Variants in HCN1 observed in about 807,000 individuals in gnomAD.
The protein encoded by HCN1 is hyperpolarization activated cyclic nucleotide gated potassium channel 1.
In HCN1, 13 loss-of-function variants were observed where a neutral mutation model predicts 78.9. The observed-to-expected ratio is 0.16, with a 90% CI of 0.11 to 0.26. HCN1 has a LOEUF of 0.26. HCN1 is among the 10% of genes least tolerant of loss of function. The pLI, the probability that HCN1 is intolerant of heterozygous loss-of-function variation, is 1.00. For missense variants in HCN1, 810 were observed against 1,154.3 expected (o/e 0.70, Z 4.32); for synonymous variants, 552 against 455.5 (o/e 1.21, Z -2.70).
chr5:45,264,935 A>C (rs1215371002), intron 7 of HCN1, among the ~76,000 whole-genome samples: 2 of 152,202 alleles, frequency 1.3e-5, no homozygotes, highest in Non-Finnish European at 2.9e-5. Context: ...TCATGCCTGT[A>C]ATTCCAGCAC....
chr5:45,367,656 A>G (rs1747263239), intron 4 of HCN1, among the ~76,000 whole-genome samples: 1 of 151,946 alleles, frequency 6.6e-6, no homozygotes, highest in African/African-American at 2.4e-5. Flanking sequence ...CTAAAATTTG[A>G]CTGGCTTTTC....
intron 4 of HCN1, among the ~76,000 whole-genome samples, chr5:45,364,345 G>C (rs1747189664): frequency 1.3e-5 from 2 of 152,080 alleles, no homozygotes; most frequent in African/African-American, 4.8e-5. Flanking sequence ...TCGTAAGCCT[G>C]TTTTCCCTTT....
At chr5:45,539,401 G>T (rs376255580) in intron 2 of HCN1, among the ~76,000 whole-genome samples, 1 of 151,138 alleles carries the variant, frequency 6.6e-6, no homozygotes, top group Admixed American at 6.6e-5. Flanking sequence ...GGTGGCTCAC[G>T]CCTGTAATCC....
chr5:45,491,416 T>A (rs1561173769), intron 2 of HCN1, among the ~76,000 whole-genome samples: 1 of 151,760 alleles, frequency 6.6e-6, no homozygotes, highest in African/African-American at 2.4e-5. Context: ...GTTGAAACAT[T>A]AAAAAAAACA....
intron 2 of HCN1, among the ~76,000 whole-genome samples, chr5:45,562,751 C>T (rs2111884118): frequency 6.6e-6 from 1 of 152,210 alleles, no homozygotes; most frequent in East Asian, 1.9e-4. Flanking sequence ...TTCTACACGT[C>T]ACTCAGAAAA....
At chr5:45,531,075 C>A (rs1051270704) in intron 2 of HCN1, among the ~76,000 whole-genome samples, 3 of 151,992 alleles carry the variant, frequency 2.0e-5, no homozygotes, top group African/African-American at 7.3e-5. Context: ...CACACACACA[C>A]ACACACACAA....
chr5:45,398,652 T>A (rs776958680), intron 3 of HCN1, among the ~76,000 whole-genome samples: 1 of 152,174 alleles, frequency 6.6e-6, no homozygotes, highest in Non-Finnish European at 1.5e-5. Flanking sequence ...GTGCAAAAAA[T>A]TGAAAGTAGT....
intron 2 of HCN1, among the ~76,000 whole-genome samples, chr5:45,572,346 T>TCTTTATG (rs1365335442): frequency 2.0e-5 from 3 of 152,168 alleles, no homozygotes; most frequent in African/African-American, 7.2e-5. Flanking sequence ...TTATTTGGTA[T>TCTTTATG]CTTTATGCTT....
chr5:45,500,794 T>G (rs1742172258), intron 2 of HCN1, among the ~76,000 whole-genome samples: 1 of 152,160 alleles, frequency 6.6e-6, no homozygotes, highest in East Asian at 1.9e-4. Context: ...ATCATTTTAT[T>G]TGAGAAAAAA....
intron 2 of HCN1, among the ~76,000 whole-genome samples, chr5:45,470,157 T>C (rs2111648429): frequency 6.6e-6 from 1 of 152,142 alleles, no homozygotes; most frequent in African/African-American, 2.4e-5. Flanking sequence ...ATCTTGTTAT[T>C]CTGGCCAGGT....
In HCN1 at chr5:45,630,812, GT is replaced by G. The variant is rs557091744; in HGVS notation, c.849+14372del. Among the ~76,000 whole-genome samples, 7 of 151,530 alleles carry G rather than the reference GT, an allele frequency of 4.6e-5. No individual in the cohort carries two copies. In the East Asian group the frequency reaches 9.7e-4, roughly 21 times the overall value. On this transcript the variant is annotated intron_variant, in intron 2 of 7. Transcript: ENST00000303230. ...CTGTGATACATCCTCAAAGAGAACT[GT>G]TTTTTTTAAATTTTTTATTTATTTG... is the stretch of plus-strand genomic sequence containing the variant.
intron 2 of HCN1, among the ~76,000 whole-genome samples, chr5:45,491,416 TA>T (rs377257840): frequency 2.0e-5 from 3 of 151,876 alleles, no homozygotes; most frequent in Admixed American, 6.6e-5. Context: ...GTTGAAACAT[TA>T]AAAAAAACAA....
At chr5:45,344,196 C>A (rs2330704) in intron 5 of HCN1, among the ~76,000 whole-genome samples, 26,546 of 151,994 alleles carry the variant, frequency 0.17, 2,551 homozygotes, top group East Asian at 0.33. Context: ...TGGGAGAACT[C>A]ACTCACTATC....
chr5:45,503,523 T>C (rs1011912209), intron 2 of HCN1, among the ~76,000 whole-genome samples: 3 of 152,068 alleles, frequency 2.0e-5, no homozygotes, highest in Non-Finnish European at 4.4e-5. Flanking sequence ...AGAAAGACAA[T>C]CCAAAAATTT....
At chr5:45,693,700 A>G (rs1359085026) in intron 1 of HCN1, among the ~76,000 whole-genome samples, 1 of 152,182 alleles carries the variant, frequency 6.6e-6, no homozygotes, top group Non-Finnish European at 1.5e-5. Context: ...TGCTATTCTA[A>G]TTCCTGAAAA....
intron 3 of HCN1, among the ~76,000 whole-genome samples, chr5:45,458,248 A>C (rs1741065601): frequency 6.6e-6 from 1 of 151,968 alleles, no homozygotes; most frequent in South Asian, 2.1e-4. Context: ...GTTAAGAAGG[A>C]TATAAATATA....
chr5:45,628,909 C>T (rs965423345), intron 2 of HCN1, among the ~76,000 whole-genome samples: 1 of 150,506 alleles, frequency 6.6e-6, no homozygotes, highest in African/African-American at 2.4e-5. Context: ...GAGGAGGTCA[C>T]AGTGAGCTAG....
At chr5:45,563,504 T>A (rs1209143308) in intron 2 of HCN1, among the ~76,000 whole-genome samples, 1 of 151,954 alleles carries the variant, frequency 6.6e-6, no homozygotes, top group Non-Finnish European at 1.5e-5. Flanking sequence ...GGAATCCCTA[T>A]AACATTTCAT....
In HCN1 at chr5:45,314,018, G is replaced by C. The variant is rs188225403; in HGVS notation, c.1378-10179C>G. ...TTCAAATTCAGGAAATACAGAGAATGCCACAAAGATACGAGAAGAGCAACT... is the reference window on the plus strand; with the variant it reads ...TTCAAATTCAGGAAATACAGAGAATCCCACAAAGATACGAGAAGAGCAACT... On this transcript the variant is annotated intron_variant, in intron 5 of 7. Coordinates refer to ENST00000303230, the MANE Select transcript of HCN1 (RefSeq NM_021072.4). Among the ~76,000 whole-genome samples the C allele has an allele frequency of 6.6e-4, 100 of 152,164 alleles. 1 individual carries two copies. The East Asian group carries it at 0.012, about 18-fold the overall frequency.
Sources: allele counts gnomAD v4.1 joint callset (sites outside exome capture counted in the v4.1 genomes callset), GRCh38; gene constraint gnomAD v4.1.1; transcripts MANE v1.5; gene names NCBI Gene and HGNC (gene_info 2026-07-23, HGNC 2026-07-21).